Variants in COLGALT2 observed in about 807,000 individuals in gnomAD.
COLGALT2 encodes collagen beta(1-O)galactosyltransferase 2, also known as procollagen galactosyltransferase 2.
A neutral mutation model predicts 73.4 loss-of-function variants in COLGALT2; 49 were observed. That is an observed-to-expected ratio of 0.67 (90% CI 0.53 to 0.85). COLGALT2 has a LOEUF of 0.85. COLGALT2 is among the 40% of genes least tolerant of loss of function. The pLI, the probability that COLGALT2 is intolerant of heterozygous loss-of-function variation, is 0.00. For missense variants in COLGALT2, 722 were observed against 790.2 expected, an observed-to-expected ratio of 0.91 and a Z score of 1.03; for synonymous variants, 295 against 307.6, an observed-to-expected ratio of 0.96 and a Z score of 0.43.
chr1:183,966,649 C>T (rs1283756092), intron 5 of COLGALT2, among the ~76,000 whole-genome samples: 1 of 152,244 alleles, frequency 6.6e-6, no homozygotes, highest in Non-Finnish European at 1.5e-5. Context: ...GCCCATATCA[C>T]TCACCTCTTT....
chr1:184,027,603 GA>G, intron 1 of COLGALT2, among the ~76,000 whole-genome samples: 1 of 152,330 alleles, frequency 6.6e-6, no homozygotes, highest in East Asian at 1.9e-4. Context: ...GACCAATGGG[GA>G]CAAGTCACTT....
chr1:184,032,640 A>T (rs1649551570), intron 1 of COLGALT2, among the ~76,000 whole-genome samples: 1 of 152,234 alleles, frequency 6.6e-6, no homozygotes, highest in Non-Finnish European at 1.5e-5. Context: ...TAACAGACAG[A>T]AGGGGCCTAA....
intron 1 of COLGALT2, among the ~76,000 whole-genome samples, chr1:184,036,511 C>T (rs765606964): frequency 2.0e-5 from 3 of 152,354 alleles, no homozygotes; most frequent in Non-Finnish European, 4.4e-5. Context: ...GCGGGCTCCG[C>T]CCAATCTCCA....
chr1:183,939,717 G>A (rs1309899720), intron 11 of COLGALT2, among the ~76,000 whole-genome samples: 2 of 152,190 alleles, frequency 1.3e-5, no homozygotes, highest in African/African-American at 4.8e-5. Flanking sequence ...AAATGAACTG[G>A]TGGCAGCACA....
intron 6 of COLGALT2, 105 bp downstream of exon 6, chr1:183,963,796 G>A: frequency 8.2e-7 from 1 of 1,215,724 alleles, no homozygotes; most frequent in African/African-American, 1.5e-5. Flanking sequence ...AGCCAGGGGA[G>A]ACTGATGGCT....
At chr1:183,975,983 C>A (rs2986555) in intron 2 of COLGALT2, among the ~76,000 whole-genome samples, 1,919 of 152,164 alleles carry the variant, frequency 0.013, 40 homozygotes, top group African/African-American at 0.043. Flanking sequence ...TGTAACTAAA[C>A]AAATAAGGTT....
chr1:183,944,403 T>G, intron 9 of COLGALT2, 80 bp from the exon 10 acceptor site: 1 of 1,493,454 alleles, frequency 6.7e-7, no homozygotes, highest in Non-Finnish European at 9.0e-7. Flanking sequence ...TATTAAAAAG[T>G]CACGAGTCTA....
chr1:183,936,086 C>G lies in COLGALT2; in HGVS notation c.*2675G>C. The G allele has an allele frequency of 1.0e-6, 1 of 985,574 alleles. No individual in the cohort carries two copies. The highest frequency in any genetic ancestry group is 1.7e-5 in the African/African-American group (1 of 57,356). 61.1% of individuals were successfully genotyped at this position (985,574 alleles called of 1,614,324 possible). A position where few individuals can be genotyped will look rare whatever the true frequency, so the allele number is the denominator to read the frequency against. On this transcript the variant is annotated 3_prime_UTR_variant, in exon 12 of 12. Coordinates refer to ENST00000361927, the MANE Select transcript of COLGALT2 (RefSeq NM_015101.4). ...CACTGCTGATGTCACGGTTGTCTGT[C>G]CAGAAGATCCCACGTTAGATCCCAA...
intron 5 of COLGALT2, among the ~76,000 whole-genome samples, chr1:183,965,382 A>C (rs981127970): frequency 6.6e-6 from 1 of 152,260 alleles, no homozygotes; most frequent in Non-Finnish European, 1.5e-5. Flanking sequence ...GGTACAAGGA[A>C]GGCATTTTTA....
At chr1:183,975,641 A>T (rs932687486) in intron 2 of COLGALT2, among the ~76,000 whole-genome samples, 2 of 152,264 alleles carry the variant, frequency 1.3e-5, no homozygotes, top group African/African-American at 4.8e-5. Context: ...TATGCAGTGT[A>T]AAACATGAGT....
chr1:183,976,056 A>T (rs966517312), intron 2 of COLGALT2, among the ~76,000 whole-genome samples: 3 of 152,216 alleles, frequency 2.0e-5, no homozygotes, highest in Non-Finnish European at 4.4e-5. Context: ...GTTTCAATGA[A>T]AATCAGTGGA....
rs568201749 is a variant in COLGALT2, at chr1:184,036,281, G to A, written c.263+814C>T. On this transcript the variant is annotated intron_variant, in intron 1 of 11. Coordinates refer to ENST00000361927, the MANE Select transcript of COLGALT2 (RefSeq NM_015101.4). ...GCGAGACGACCAAGTTCTACAAGGT[G>A]GGGCGGGCAGGCACCCGCACTTATC... Among the ~76,000 whole-genome samples the A allele has an allele frequency of 3.9e-5, 6 of 152,356 alleles. No homozygotes were observed. In the East Asian group the frequency reaches 9.6e-4, roughly 24 times the overall value.
Position 184,012,888 on chromosome 1 carries a change from T to C in COLGALT2, c.263+24207A>G, listed in dbSNP as rs140690836. ...TAACTTGTTTACCTTTTCCCAAATA[T>C]TTACCGAGCAGCTTCCTATAAGGCA... On this transcript the variant is annotated intron_variant, in intron 1 of 11. Coordinates refer to ENST00000361927, the MANE Select transcript of COLGALT2 (RefSeq NM_015101.4). 6.0e-3 allele frequency among the ~76,000 whole-genome samples: 908 copies of C among 152,334 alleles called. 6 individuals are homozygous for C. Among genetic ancestry groups the C allele is most frequent in the African/African-American group, 0.021 (857 of 41,562 alleles).
rs561302541 is a variant in COLGALT2, at chr1:184,029,416, G to A, written c.263+7679C>T. On this transcript the variant is annotated intron_variant, in intron 1 of 11. Transcript: ENST00000361927. ...GGGTTCCTTCAGCAGCCTGAGGTGG[G>A]AGCAAAGCTCACCACCCAAATGTCA... is the stretch of plus-strand genomic sequence containing the variant. 5.9e-5 allele frequency among the ~76,000 whole-genome samples: 9 copies of A among 152,296 alleles called. No homozygotes were observed. The South Asian group carries it at 1.9e-3, about 32-fold the overall frequency.
At chr1:184,020,437 C>T (rs907079616) in intron 1 of COLGALT2, among the ~76,000 whole-genome samples, 4 of 152,306 alleles carry the variant, frequency 2.6e-5, no homozygotes, top group East Asian at 3.9e-4. Flanking sequence ...GCATGCTATT[C>T]TGAAGGCAAA....
chr1:183,942,783 T>C (rs1021973299), intron 10 of COLGALT2, among the ~76,000 whole-genome samples: 2 of 152,214 alleles, frequency 1.3e-5, no homozygotes, highest in African/African-American at 4.8e-5. Context: ...TTAGAAAACA[T>C]TTTTTTCCTG....
At chr1:183,962,399 T>C (rs1052424281) in intron 6 of COLGALT2, among the ~76,000 whole-genome samples, 1 of 152,014 alleles carries the variant, frequency 6.6e-6, no homozygotes, top group African/African-American at 2.4e-5. Flanking sequence ...CCTCAGGTGA[T>C]CCACCTGCCT....
intron 4 of COLGALT2, among the ~76,000 whole-genome samples, chr1:183,972,010 A>G (rs576240633): frequency 8.5e-5 from 13 of 152,364 alleles, no homozygotes; most frequent in African/African-American, 2.9e-4. Context: ...GTTATTAAAC[A>G]TTTATCAGCA....
chr1:183,934,370 G>A (rs772199092), downstream of COLGALT2, among the ~76,000 whole-genome samples: 3 of 152,128 alleles, frequency 2.0e-5, no homozygotes, highest in Non-Finnish European at 4.4e-5. Context: ...TTAGGGCCGC[G>A]GGCTCACAGG....
Sources: gnomAD v4.1 joint callset for allele counts (sites outside exome capture counted in the v4.1 genomes callset) on GRCh38, gnomAD v4.1.1 for gene constraint, MANE v1.5 for transcripts, NCBI Gene and HGNC (gene_info 2026-07-23, HGNC 2026-07-21) for gene names.